The following ZNF568 variants were observed in gnomAD, a reference collection of about 807,000 sequenced individuals.
ZNF568 encodes the protein zinc finger protein 568.
Under a neutral mutation model 18.1 loss-of-function variants are expected in ZNF568, and 11 were observed. The observed-to-expected ratio is 0.61, with a 90% CI of 0.38 to 1.00. The LOEUF (loss-of-function observed/expected upper bound fraction) is 1.00. Among genes scored for constraint, ZNF568 ranks in the 50% least tolerant of loss-of-function variants. The pLI, the probability that ZNF568 is intolerant of heterozygous loss-of-function variation, is 0.01. For synonymous variants in ZNF568, 213 were observed against 246.6 expected, an observed-to-expected ratio of 0.86 and a Z score of 1.28; for missense variants, 639 against 768.2, an observed-to-expected ratio of 0.83 and a Z score of 1.99.
chr19:36,951,910 C>T lies in ZNF568; in HGVS notation c.*822C>T. On this transcript the variant is annotated 3_prime_UTR_variant, in exon 7 of 7. Transcript: ENST00000333987. Reference sequence around the variant, plus strand: ...CTCCCAAAGTGCTGGGGTTTACAGGCTTGAGCCACTGCACCTGGCCAAAAA... The same window carrying T: ...CTCCCAAAGTGCTGGGGTTTACAGGTTTGAGCCACTGCACCTGGCCAAAAA... 1.1e-5 allele frequency: 11 copies of T among 983,750 alleles called. No individual in the cohort carries two copies. The highest frequency in any genetic ancestry group is 1.3e-5 in the Non-Finnish European group (11 of 829,020). 60.9% of individuals were successfully genotyped at this position (983,750 alleles called of 1,614,324 possible).
chr19:36,930,221 T>C (rs1033132045), intron 4 of ZNF568, among the ~76,000 whole-genome samples: 3 of 151,556 alleles, frequency 2.0e-5, no homozygotes, highest in African/African-American at 7.3e-5. Context: ...TTCTTTTTTT[T>C]TTTTTTGAGA....
At chr19:36,987,102 C>A (rs551253650) in intron 2 of ZNF568, among the ~76,000 whole-genome samples, 65 of 152,094 alleles carry the variant, frequency 4.3e-4, no homozygotes, top group Non-Finnish European at 7.5e-4. Context: ...ATGTAAGGCA[C>A]CAGGAACTTA....
intron 4 of ZNF568, among the ~76,000 whole-genome samples, chr19:36,927,871 TA>T (rs1407972761): frequency 3.5e-5 from 2 of 56,618 alleles, no homozygotes; most frequent in South Asian, 1.2e-3. Flanking sequence ...TATATATATA[TA>T]TATATATATA....
downstream of ZNF568, among the ~76,000 whole-genome samples, chr19:36,982,859 A>C (rs1186006028): frequency 6.6e-6 from 1 of 152,212 alleles, no homozygotes; most frequent in Non-Finnish European, 1.5e-5. Context: ...TTTACATATT[A>C]CTGGATTCAG....
At chr19:36,964,278 G>A (rs2074177497) in intron 6 of ZNF568, among the ~76,000 whole-genome samples, 1 of 151,968 alleles carries the variant, frequency 6.6e-6, no homozygotes, top group Non-Finnish European at 1.5e-5. Context: ...AAGGAAGGAA[G>A]GGAGGGAGGG....
In ZNF568 at chr19:36,997,217, G is replaced by C. The variant is rs780823953; in HGVS notation, c.1130G>C (p.Cys377Ser). The change falls in exon 5 of 5, where the codon TGT (cysteine) becomes TCT (serine). Residue 377 changes from cysteine (C) to serine (S), a missense_variant. Coordinates refer to the ZNF568 transcript ENST00000433993. ...CATACTGGTGAGAAACCCCATGAAT[G>C]TAAGGAATGTGGGAAAGCCTTTATC... The C allele has an allele frequency of 2.5e-6, 4 of 1,608,846 alleles. No homozygotes were observed. The Admixed American group carries it at 5.0e-5, about 20-fold the overall frequency.
At chr19:36,922,994 T>G (rs2073484010) in intron 3 of ZNF568, 148 bp downstream of exon 3, 2 of 635,362 alleles carry the variant, frequency 3.1e-6, no homozygotes, top group Admixed American at 3.2e-5. Flanking sequence ...CATATTCATT[T>G]GACTATTTGA....
At position 36,949,957 on chromosome 19, in the gene ZNF568, T is replaced by C; in HGVS notation, c.804T>C (p.His268=). ...GTAGGAAGGAAAATCTTATTACACA[T>C]CAGAAAATTCATACTGGGGAAAAAC... ...AFSRKENLIT[H]QKIHTGEKPY... Residue 268 remains histidine (H), a synonymous_variant, in exon 7 of 7, where the codon CAT becomes CAC. Transcript: ENST00000333987. 1 of 1,613,766 alleles carries C rather than the reference T, an allele frequency of 6.2e-7. No homozygotes were observed. Among genetic ancestry groups the C allele is most frequent in the Non-Finnish European group, 8.5e-7 (1 of 1,179,920 alleles).
intron 2 of ZNF568, chr19:36,990,910 A>C: frequency 3.3e-6 from 1 of 302,474 alleles, no homozygotes; most frequent in Middle Eastern, 9.9e-4. Context: ...CACCACTTAC[A>C]TGGACTTAGT....
chr19:36,988,295 A>G (rs565165885), intron 2 of ZNF568, among the ~76,000 whole-genome samples: 57 of 152,216 alleles, frequency 3.7e-4, no homozygotes, highest in African/African-American at 1.3e-3. Context: ...TTAACAATGT[A>G]TTAGTCCCTT....
downstream of ZNF568, among the ~76,000 whole-genome samples, chr19:36,984,459 G>A (rs912286642): frequency 2.0e-5 from 3 of 152,120 alleles, no homozygotes; most frequent in African/African-American, 7.2e-5. Context: ...AAATAAGGAA[G>A]TAGGATATAT....
In ZNF568 at chr19:36,935,489, G is replaced by A. The variant is rs554228993; in HGVS notation, c.136-1257G>A. Among the ~76,000 whole-genome samples, 37 of 151,652 alleles carry A rather than the reference G, an allele frequency of 2.4e-4. No individual in the cohort carries two copies. In the East Asian group the frequency reaches 2.5e-3, roughly 10 times the overall value. ...GCAGGAGAATTGCTTGAACTTGGGC[G>A]GCAGAGGTTGCAGTGAGCCGAGATC... On this transcript the variant is annotated intron_variant, in intron 4 of 6. Coordinates refer to ENST00000333987, the MANE Select transcript of ZNF568 (RefSeq NM_198539.4).
At chr19:36,971,392 T>C (rs2074234743) in intron 6 of ZNF568, among the ~76,000 whole-genome samples, 1 of 152,138 alleles carries the variant, frequency 6.6e-6, no homozygotes, top group Admixed American at 6.6e-5. Flanking sequence ...TTTTCTAGTT[T>C]GTAAACTAGA....
Position 36,930,142 on chromosome 19 carries a change from C to G in ZNF568, c.135+4884C>G, listed in dbSNP as rs572944235. Among the ~76,000 whole-genome samples, 40 of 151,828 alleles carry G rather than the reference C, an allele frequency of 2.6e-4. No homozygotes were observed. In the South Asian group the frequency reaches 6.2e-3, roughly 24 times the overall value. On this transcript the variant is annotated intron_variant, in intron 4 of 6. Transcript: ENST00000333987. ...GTAAAGACTGACTCATCATTTTATACAGTCAAAAATTAAAGCATATTTTAC... is the reference window on the plus strand; with the variant it reads ...GTAAAGACTGACTCATCATTTTATAGAGTCAAAAATTAAAGCATATTTTAC...
At chr19:36,974,476 A>G (rs2074264230) in intron 7 of ZNF568, 4 of 1,535,816 alleles carry the variant, frequency 2.6e-6, no homozygotes, top group Non-Finnish European at 3.5e-6. Flanking sequence ...GGTAAGTTGC[A>G]TTTGACATTT....
At chr19:36,958,297 G>A (rs1013670499) in intron 6 of ZNF568, among the ~76,000 whole-genome samples, 37 of 152,132 alleles carry the variant, frequency 2.4e-4, no homozygotes, top group Admixed American at 1.6e-3. Flanking sequence ...CATAGACTGA[G>A]TTAGGGAATA....
chr19:36,937,994 T>C (rs562072542), intron 6 of ZNF568, among the ~76,000 whole-genome samples: 1 of 152,310 alleles, frequency 6.6e-6, no homozygotes, highest in East Asian at 1.9e-4. Context: ...TTTTTTGGAG[T>C]TATCCTGGCT....
At chr19:36,963,988 G>C (rs1043597414) in intron 6 of ZNF568, among the ~76,000 whole-genome samples, 1 of 121,932 alleles carries the variant, frequency 8.2e-6, no homozygotes, top group Non-Finnish European at 1.7e-5. Flanking sequence ...AGAAAGGGTG[G>C]GGGGAGGGAC....
intron 6 of ZNF568, among the ~76,000 whole-genome samples, chr19:36,945,357 G>A (rs1386606394): frequency 6.6e-6 from 1 of 151,932 alleles, no homozygotes; most frequent in Non-Finnish European, 1.5e-5. Context: ...ACCCAAGACA[G>A]CAAGACCGAC....
Sources: gnomAD v4.1 joint callset for allele counts (sites outside exome capture counted in the v4.1 genomes callset) on GRCh38, gnomAD v4.1.1 for gene constraint, MANE v1.5 for transcripts, NCBI Gene and HGNC (gene_info 2026-07-23, HGNC 2026-07-21) for gene names.